NPAS3: variants seen among roughly 807,000 people sequenced by gnomAD.
NPAS3 encodes neuronal PAS domain-containing protein 3.
A neutral mutation model predicts 73.1 loss-of-function variants in NPAS3; 14 were observed. The observed-to-expected ratio is 0.19, with a 90% CI of 0.13 to 0.30. NPAS3 has a LOEUF of 0.30. Ranked by LOEUF, NPAS3 falls within the 10% of genes least tolerant of loss-of-function variation. NPAS3 has a pLI of 1.00. For synonymous variants in NPAS3, 620 were observed against 541.5 expected (o/e 1.14, Z -2.01); for missense variants, 1,096 against 1,250.0 (o/e 0.88, Z 1.86).
chr14:33,112,172 T>C (rs1303180174), intron 2 of NPAS3, among the ~76,000 whole-genome samples: 3 of 151,976 alleles, frequency 2.0e-5, no homozygotes, highest in Non-Finnish European at 4.4e-5. Context: ...TATAATCCTT[T>C]GGGTATATAC....
chr14:33,251,682 G>GA (rs999640886), intron 3 of NPAS3, among the ~76,000 whole-genome samples: 2 of 151,786 alleles, frequency 1.3e-5, no homozygotes, highest in African/African-American at 4.8e-5. Context: ...GAACAAATAT[G>GA]AAAAAAATCT....
chr14:33,541,133 A>G (rs1229658099), intron 4 of NPAS3, among the ~76,000 whole-genome samples: 1 of 139,738 alleles, frequency 7.2e-6, no homozygotes, highest in Non-Finnish European at 1.6e-5. Context: ...GTGTGCATGC[A>G]CACACACACA....
At chr14:33,246,420 T>G (rs2048377327) in intron 3 of NPAS3, among the ~76,000 whole-genome samples, 1 of 150,536 alleles carries the variant, frequency 6.6e-6, no homozygotes, top group South Asian at 2.1e-4. Flanking sequence ...GCACGTGTAG[T>G]CCCAGCTACT....
intron 3 of NPAS3, among the ~76,000 whole-genome samples, chr14:33,307,739 A>G (rs1331351151): frequency 6.6e-6 from 1 of 152,168 alleles, no homozygotes; most frequent in Non-Finnish European, 1.5e-5. Flanking sequence ...TTCATTTAAT[A>G]TTCTCCAATC....
At chr14:33,140,239 A>G (rs1167771641) in intron 2 of NPAS3, among the ~76,000 whole-genome samples, 1 of 152,170 alleles carries the variant, frequency 6.6e-6, no homozygotes, top group African/African-American at 2.4e-5. Flanking sequence ...GAAAATGAGG[A>G]AAAACAAGTT....
intron 7 of NPAS3, among the ~76,000 whole-genome samples, chr14:33,763,553 G>T (rs964712040): frequency 6.6e-6 from 1 of 152,202 alleles, no homozygotes; most frequent in African/African-American, 2.4e-5. Flanking sequence ...CAGATGCAGT[G>T]TAGTCAGGCT....
At chr14:33,083,178 CAAAAAAAAAAAAAAAAAAAAAAAAAA>C (rs57147759) in intron 2 of NPAS3, among the ~76,000 whole-genome samples, 2 of 65,018 alleles carry the variant, frequency 3.1e-5, no homozygotes, top group African/African-American at 8.6e-5. Flanking sequence ...GAGACTGTCT[CAAAAAAAAAAAAAAAAAAAAAAAAAA>C]AAAAAAAAAA....
chr14:33,709,300 A>G (rs905858022), intron 6 of NPAS3, among the ~76,000 whole-genome samples: 1 of 152,194 alleles, frequency 6.6e-6, no homozygotes, highest in African/African-American at 2.4e-5. Context: ...CTTCTTATAA[A>G]TTTTAGCTAT....
intron 2 of NPAS3, among the ~76,000 whole-genome samples, chr14:33,162,537 A>G (rs1429779314): frequency 6.6e-6 from 1 of 152,234 alleles, no homozygotes; most frequent in African/African-American, 2.4e-5. Flanking sequence ...ATTAGCATCT[A>G]TAAATGTGCC....
chr14:33,110,061 T>C (rs761974875), intron 2 of NPAS3, among the ~76,000 whole-genome samples: 1 of 152,098 alleles, frequency 6.6e-6, no homozygotes, highest in Non-Finnish European at 1.5e-5. Flanking sequence ...CTCTCTGTAA[T>C]AGTATTTTGC....
At chr14:33,750,834 G>A (rs1396448244) in intron 7 of NPAS3, among the ~76,000 whole-genome samples, 2 of 152,184 alleles carry the variant, frequency 1.3e-5, no homozygotes, top group African/African-American at 4.8e-5. Context: ...GAGATAATGT[G>A]ATATGTGCTA....
intron 3 of NPAS3, among the ~76,000 whole-genome samples, chr14:33,366,217 G>T (rs2045833591): frequency 6.6e-6 from 1 of 151,858 alleles, no homozygotes; most frequent in Non-Finnish European, 1.5e-5. Context: ...GATTCTGGGG[G>T]CTTCTTGATC....
intron 3 of NPAS3, among the ~76,000 whole-genome samples, chr14:33,273,122 C>T (rs2140021732): frequency 6.6e-6 from 1 of 152,278 alleles, no homozygotes; most frequent in East Asian, 1.9e-4. Flanking sequence ...CTGGTCTGCA[C>T]AGTGTGTGGC....
chr14:33,699,381 A>G (rs1225834603), intron 6 of NPAS3, among the ~76,000 whole-genome samples: 1 of 152,150 alleles, frequency 6.6e-6, no homozygotes, highest in Non-Finnish European at 1.5e-5. Flanking sequence ...TTGGCAATAG[A>G]TCTGTTTTTC....
intron 5 of NPAS3, among the ~76,000 whole-genome samples, chr14:33,578,651 G>T (rs1187880132): frequency 1.3e-5 from 2 of 152,200 alleles, no homozygotes; most frequent in Non-Finnish European, 2.9e-5. Flanking sequence ...AGAGGATTTT[G>T]CTCATATGTT....
intron 4 of NPAS3, among the ~76,000 whole-genome samples, chr14:33,489,637 T>A (rs946046210): frequency 6.6e-6 from 1 of 152,164 alleles, no homozygotes; most frequent in Non-Finnish European, 1.5e-5. Context: ...CCAAAATTCC[T>A]TATTAGTTTT....
rs1469820156 is a variant in NPAS3 at position 32,964,086 on chromosome 14, C to T, written c.50+24720C>T. Among the ~76,000 whole-genome samples, 5 of 142,464 alleles carry T rather than the reference C, an allele frequency of 3.5e-5. No homozygotes were observed. The Admixed American group carries it at 3.8e-4, about 11-fold the overall frequency. 93.5% of individuals were successfully genotyped at this position (142,464 alleles called of 152,430 possible). A position where few individuals can be genotyped will look rare whatever the true frequency, so the allele number is the denominator to read the frequency against. On this transcript the variant is annotated intron_variant, in intron 1 of 11. Coordinates refer to ENST00000356141, the Ensembl canonical transcript of NPAS3. Reference sequence around the variant, plus strand: ...CTGATCAGAATATAGACAAAATGACCGATAATATCCAAAACAATATTATCC... The same window carrying T: ...CTGATCAGAATATAGACAAAATGACTGATAATATCCAAAACAATATTATCC...
At chr14:33,056,299 G>C (rs2040887440) in intron 2 of NPAS3, among the ~76,000 whole-genome samples, 1 of 152,074 alleles carries the variant, frequency 6.6e-6, no homozygotes, top group Admixed American at 6.6e-5. Flanking sequence ...GTACTTATAT[G>C]CAAGAAAATC....
chr14:33,643,281 T>G (rs999671785), intron 5 of NPAS3, among the ~76,000 whole-genome samples: 1 of 150,764 alleles, frequency 6.6e-6, no homozygotes, highest in Admixed American at 6.6e-5. Flanking sequence ...TATTTATGCA[T>G]GTCTAGGGAA....
Sources: gnomAD v4.1 joint callset for allele counts (sites outside exome capture counted in the v4.1 genomes callset) on GRCh38, gnomAD v4.1.1 for gene constraint, MANE v1.5 for transcripts, NCBI Gene and HGNC (gene_info 2026-07-23, HGNC 2026-07-21) for gene names.